Variants in FBN2 observed in about 807,000 individuals in gnomAD.
The protein encoded by FBN2 is fibrillin 2.
In FBN2, 105 loss-of-function variants were observed where a neutral mutation model predicts 355.6. The ratio of observed to expected loss-of-function variants is 0.30; its 90% CI spans 0.25 to 0.35. The LOEUF (loss-of-function observed/expected upper bound fraction) is 0.35, where lower values mean the gene tolerates loss of function less well. Among genes scored for constraint, FBN2 ranks in the 10% least tolerant of loss-of-function variants. FBN2 has a pLI of 1.00. For synonymous variants in FBN2, 1,350 were observed against 1,301.2 expected, an observed-to-expected ratio of 1.04 and a Z score of -0.81; for missense variants, 3,280 against 3,758.7, an observed-to-expected ratio of 0.87 and a Z score of 3.33.
At chr5:128,404,519 C>T (rs1211847802) in intron 8 of FBN2, among the ~76,000 whole-genome samples, 4 of 152,226 alleles carry the variant, frequency 2.6e-5, no homozygotes, top group Admixed American at 6.5e-5. Context: ...AGTGGCACGA[C>T]ATCATGTCCA....
At chr5:128,331,069 G>C (rs1322764388) in intron 32 of FBN2, among the ~76,000 whole-genome samples, 1 of 152,150 alleles carries the variant, frequency 6.6e-6, no homozygotes, top group African/African-American at 2.4e-5. Flanking sequence ...TTAACAAAGA[G>C]TTTTTAAGTT....
At chr5:128,408,258 T>G (rs1350071146) in intron 8 of FBN2, among the ~76,000 whole-genome samples, 1 of 152,208 alleles carries the variant, frequency 6.6e-6, no homozygotes, top group African/African-American at 2.4e-5. Context: ...TTTGAATATA[T>G]TTAAACACAA....
intron 31 of FBN2, among the ~76,000 whole-genome samples, chr5:128,334,061 CTTGACCCCGGCACA>C (rs1212520773): frequency 2.0e-5 from 3 of 151,998 alleles, no homozygotes; most frequent in Non-Finnish European, 4.4e-5. Context: ...GATCCAAAAC[CTTGACCCCGGCACA>C]TCCTAGCCCC....
intron 47 of FBN2, 82 bp downstream of exon 47, chr5:128,301,300 T>C (rs1171575563): frequency 3.3e-6 from 4 of 1,226,668 alleles, no homozygotes; most frequent in Non-Finnish European, 1.2e-6. Flanking sequence ...ATTAATGAGT[T>C]CTTAAGTGAA....
intron 7 of FBN2, among the ~76,000 whole-genome samples, chr5:128,444,119 G>A (rs1754001360): frequency 8.0e-6 from 1 of 125,014 alleles, no homozygotes; most frequent in Admixed American, 1.1e-4. Context: ...AGGCCGGACT[G>A]CGGACTGCAG....
chr5:128,372,012 A>G (rs1333410380), intron 15 of FBN2, among the ~76,000 whole-genome samples: 1 of 152,220 alleles, frequency 6.6e-6, no homozygotes, highest in Non-Finnish European at 1.5e-5. Flanking sequence ...TGACCTAGAT[A>G]TGATACCACT....
chr5:128,527,940 T>C lies in FBN2; in HGVS notation c.464A>G (p.Asn155Ser). The stretch of plus-strand genomic sequence containing the variant: ...GTGGTCATCTGCACAGGTCCCACCA[T>C]TCATGCATCTCACACTGCACTGCTG... ...SIQQCSVRCM[N>S]GGTCADDHCQ... Residue 155 changes from asparagine to serine, a missense_variant, in exon 4 of 65, where the codon AAT becomes AGT. Around this residue, in one of 6 missense-constraint regions of FBN2, gnomAD observed 130 missense variants for 189.9 expected, o/e 0.68. Transcript: ENST00000262464. The C allele has an allele frequency of 6.2e-7, 1 of 1,612,516 alleles. No individual in the cohort carries two copies. Among genetic ancestry groups the C allele is most frequent in the Non-Finnish European group, 8.5e-7 (1 of 1,178,880 alleles).
At chr5:128,482,698 C>A (rs1755226661) in intron 5 of FBN2, among the ~76,000 whole-genome samples, 1 of 151,964 alleles carries the variant, frequency 6.6e-6, no homozygotes, top group South Asian at 2.1e-4. Flanking sequence ...CACTAGAGTC[C>A]CATTTTTTAA....
chr5:128,274,620 C>T lies in FBN2; in HGVS notation c.7658G>A (p.Gly2553Glu), dbSNP rs764514988. The change falls in exon 60 of 65, where the codon GGG (glycine) becomes GAG (glutamate). Residue 2553 changes from glycine (G) to glutamate (E), a missense_variant. This residue lies in a region of FBN2 where 2,284 missense variants were observed against 2,749.5 expected (regional missense o/e 0.83). Coordinates refer to ENST00000262464, the MANE Select transcript of FBN2 (RefSeq NM_001999.4). ...ACCAGGTGGACATTTACAGGTAAACCCCCCCAGGGTGTTGACACAGAGGAA... is the reference window on the plus strand; with the variant it reads ...ACCAGGTGGACATTTACAGGTAAACTCCCCCAGGGTGTTGACACAGAGGAA... ...CQFLCVNTLG[G>E]FTCKCPPGFT... 6 of 1,613,170 alleles carry T rather than the reference C, an allele frequency of 3.7e-6. No individual in the cohort carries two copies. The highest frequency in any genetic ancestry group is 1.3e-5 in the African/African-American group (1 of 74,880).
At chr5:128,380,118 C>T (rs1258607417) in intron 11 of FBN2, among the ~76,000 whole-genome samples, 1 of 151,952 alleles carries the variant, frequency 6.6e-6, no homozygotes, top group African/African-American at 2.4e-5. Context: ...ATCCAAGGAC[C>T]CCTTCAGCCC....
intron 6 of FBN2, among the ~76,000 whole-genome samples, chr5:128,463,244 C>A (rs1028429336): frequency 1.3e-5 from 2 of 151,938 alleles, no homozygotes; most frequent in Non-Finnish European, 2.9e-5. Context: ...AGAATATCTT[C>A]CTATAGAAGA....
Position 128,328,807 on chromosome 5 carries a change from C to T in FBN2, c.4360G>A (p.Ala1454Thr). 1.2e-6 allele frequency: 2 copies of T among 1,614,148 alleles called. No homozygotes were observed. Among genetic ancestry groups the T allele is most frequent in the Admixed American group, 1.7e-5 (1 of 60,022 alleles). ...TTCTCACAGAGGTTTATGTTTTCTG[C>T]ACACTCATCAACATCTGTGCAAAAA... Reference protein sequence around the residue: ...GFTCSDVDECAENINLCENGQ... With the variant: ...GFTCSDVDECTENINLCENGQ... Residue 1454 changes from alanine to threonine, a missense_variant, in exon 34 of 65, where the codon GCA becomes ACA. By Grantham distance (58) the Ala-to-Thr change is moderately conservative (BLOSUM62 0). Coordinates refer to ENST00000262464, the MANE Select transcript of FBN2 (RefSeq NM_001999.4).
At chr5:128,309,932 T>A (rs781379061) in intron 40 of FBN2, 51 bp downstream of exon 40, 2 of 1,591,076 alleles carry the variant, frequency 1.3e-6, no homozygotes, top group Non-Finnish European at 1.7e-6. Flanking sequence ...AAGTGCTTTA[T>A]GTGTGAAGTC....
chr5:128,491,847 G>A (rs1157567895), intron 5 of FBN2, among the ~76,000 whole-genome samples: 1 of 152,112 alleles, frequency 6.6e-6, no homozygotes, highest in Non-Finnish European at 1.5e-5. Flanking sequence ...ATATTCGTTT[G>A]GGGCAATTAA....
intron 6 of FBN2, among the ~76,000 whole-genome samples, chr5:128,460,951 T>A (rs1420627835): frequency 6.6e-6 from 1 of 152,092 alleles, no homozygotes; most frequent in Non-Finnish European, 1.5e-5. Context: ...GGGGGGAGAC[T>A]TCATGACAAA....
At chr5:128,451,844 A>G (rs531151404) in intron 6 of FBN2, among the ~76,000 whole-genome samples, 4 of 152,356 alleles carry the variant, frequency 2.6e-5, no homozygotes, top group Non-Finnish European at 4.4e-5. Context: ...ATAAAACCTT[A>G]ACATTATTCA....
At chr5:128,326,848 T>G (rs943091310) in intron 34 of FBN2, among the ~76,000 whole-genome samples, 1 of 152,076 alleles carries the variant, frequency 6.6e-6, no homozygotes, top group South Asian at 2.1e-4. Flanking sequence ...GAAAACTAGA[T>G]GTGAAGGAAG....
At position 128,309,273 on chromosome 5, in the gene FBN2, C is replaced by A; in HGVS notation, c.5327G>T (p.Cys1776Phe). The stretch of plus-strand genomic sequence containing the variant: ...TGTTCCTGGAGTTGGGCATGGTTCA[C>A]AAGGTTTGTTCCAGGCTTTGCCCAC... ...YNVGKAWNKP[C>F]EPCPTPGTAD... The change falls in exon 41 of 65, where the codon TGT (cysteine) becomes TTT (phenylalanine). Residue 1776 changes from cysteine (C) to phenylalanine (F), a missense_variant. By Grantham distance (205) the Cys-to-Phe change is radical. Around this residue, in one of 6 missense-constraint regions of FBN2, gnomAD observed 2,284 missense variants for 2,749.5 expected, o/e 0.83. Coordinates refer to ENST00000262464, the MANE Select transcript of FBN2 (RefSeq NM_001999.4). 6.2e-7 allele frequency: 1 copy of A among 1,614,116 alleles called. No individual in the cohort carries two copies. The highest frequency in any genetic ancestry group is 1.1e-5 in the South Asian group (1 of 91,086).
At chr5:128,322,853 A>G (rs112174607) in intron 34 of FBN2, among the ~76,000 whole-genome samples, 1 of 152,090 alleles carries the variant, frequency 6.6e-6, no homozygotes, top group African/African-American at 2.4e-5. Context: ...TCTATAAATT[A>G]CTTTGGGCAG....
Sources: allele counts gnomAD v4.1 joint callset (sites outside exome capture counted in the v4.1 genomes callset), GRCh38; gene constraint gnomAD v4.1.1; regional missense constraint gnomAD v4.1.1; transcripts MANE v1.5; gene names NCBI Gene and HGNC (gene_info 2026-07-23, HGNC 2026-07-21).